Variants in PSEN1 observed in about 807,000 individuals in gnomAD.
The protein encoded by PSEN1 is presenilin-1.
PSEN1 carries 15 observed loss-of-function variants against 53.5 expected under a neutral mutation model. The ratio of observed to expected loss-of-function variants is 0.28; its 90% CI spans 0.19 to 0.43. The LOEUF is 0.43. PSEN1 is among the 20% of genes least tolerant of loss of function. PSEN1 has a pLI of 1.00. For missense variants in PSEN1, 387 were observed against 571.2 expected (o/e 0.68, Z 3.29); for synonymous variants, 208 against 209.8 (o/e 0.99, Z 0.08).
chr14:73,189,912 G>C (rs1209118047), intron 6 of PSEN1: 1 of 173,432 alleles, frequency 5.8e-6, no homozygotes, highest in Non-Finnish European at 1.3e-5. Context: ...GCACTGAGCA[G>C]TAGCAGGTGT....
At chr14:73,161,920 T>A (rs1428401974) in intron 3 of PSEN1, among the ~76,000 whole-genome samples, 2 of 146,178 alleles carry the variant, frequency 1.4e-5, no homozygotes, top group East Asian at 4.0e-4. Context: ...TTTGGGAGGC[T>A]GAGGCGGGCG....
At chr14:73,177,966 C>CTT (rs374072714) in intron 5 of PSEN1, among the ~76,000 whole-genome samples, 1 of 146,716 alleles carries the variant, frequency 6.8e-6, no homozygotes. Context: ...ATTCTTTACT[C>CTT]TTTTTTTTTT....
At chr14:73,206,538 C>G in intron 9 of PSEN1, 66 bp downstream of exon 9, 1 of 1,111,120 alleles carries the variant, frequency 9.0e-7, no homozygotes, top group Non-Finnish European at 1.4e-6. Flanking sequence ...AACAGTATAG[C>G]AATGTTTTTA....
intron 6 of PSEN1, among the ~76,000 whole-genome samples, chr14:73,190,918 C>T (rs1898692098): frequency 6.6e-6 from 1 of 152,130 alleles, no homozygotes; most frequent in African/African-American, 2.4e-5. Flanking sequence ...CTACATCGTC[C>T]AGAAATTTCA....
At chr14:73,207,874 T>C (rs1899517210) in intron 9 of PSEN1, among the ~76,000 whole-genome samples, 1 of 152,234 alleles carries the variant, frequency 6.6e-6, no homozygotes, top group Admixed American at 6.5e-5. Context: ...GCATGCTGGC[T>C]GCAGCAGGGC....
chr14:73,197,724 AG>A (rs1899012179), intron 7 of PSEN1: 1 of 374,048 alleles, frequency 2.7e-6, no homozygotes, highest in Non-Finnish European at 5.0e-6. Context: ...TTATCTCTGC[AG>A]CTTTCCTTTA....
intron 5 of PSEN1, among the ~76,000 whole-genome samples, chr14:73,177,103 T>C (rs1566632545): frequency 6.6e-6 from 1 of 152,242 alleles, no homozygotes; most frequent in Non-Finnish European, 1.5e-5. Flanking sequence ...TTTGGTCCTT[T>C]TTGCAGTTTT....
At chr14:73,209,098 C>T (rs534036598) in intron 9 of PSEN1, among the ~76,000 whole-genome samples, 26 of 152,240 alleles carry the variant, frequency 1.7e-4, no homozygotes, top group Non-Finnish European at 3.1e-4. Context: ...AGCCTGCAGA[C>T]GCAAGGGGCT....
chr14:73,202,417 A>ATTAT (rs1566648023), intron 8 of PSEN1, among the ~76,000 whole-genome samples: 6 of 60,516 alleles, frequency 9.9e-5, no homozygotes, highest in African/African-American at 4.0e-4. Context: ...TCTATCACAT[A>ATTAT]CTATATATAT....
At chr14:73,147,567 G>A (rs546778993) in intron 1 of PSEN1, 2 of 200,280 alleles carry the variant, frequency 1.0e-5, no homozygotes, top group African/African-American at 4.7e-5. Context: ...CTGGAAATCA[G>A]AAGTCATTAA....
intron 3 of PSEN1, among the ~76,000 whole-genome samples, chr14:73,159,315 A>G (rs1243620583): frequency 6.6e-6 from 1 of 152,084 alleles, no homozygotes; most frequent in Non-Finnish European, 1.5e-5. Flanking sequence ...CCAAACAGCT[A>G]GGACTACAGA....
intron 3 of PSEN1, among the ~76,000 whole-genome samples, chr14:73,158,275 C>CA (rs1897420283): frequency 5.7e-5 from 8 of 140,822 alleles, no homozygotes; most frequent in African/African-American, 1.6e-4. Context: ...GTATATTTAA[C>CA]TTTTTTTTCT....
At position 73,219,368 on chromosome 14, in the gene PSEN1, G is replaced by T. The variant is rs936850151; in HGVS notation, c.*79G>T. ...TGGGGAGGACAAAGGTGATTTTCCT[G>T]TGTCCACATCTAACAAAGTCAAGAT... On this transcript the variant is annotated 3_prime_UTR_variant, in exon 12 of 12. Transcript: ENST00000324501. The T allele has an allele frequency of 6.3e-6, 9 of 1,425,194 alleles. No homozygotes were observed. The East Asian group carries it at 1.8e-4, about 29-fold the overall frequency. The allele number at this position is 1,425,194 out of a possible 1,614,324, so 88.3% of individuals were successfully genotyped here. A position where few individuals can be genotyped will look rare whatever the true frequency, so the allele number is the denominator to read the frequency against.
chr14:73,199,012 C>T (rs1035506086), intron 8 of PSEN1, among the ~76,000 whole-genome samples: 1 of 152,022 alleles, frequency 6.6e-6, no homozygotes, highest in African/African-American at 2.4e-5. Context: ...TCGGCTTAAG[C>T]GATCCTCCTG....
chr14:73,190,929 A>G (rs1898692223), intron 6 of PSEN1, among the ~76,000 whole-genome samples: 3 of 152,220 alleles, frequency 2.0e-5, no homozygotes, highest in African/African-American at 4.8e-5. Flanking sequence ...AGAAATTTCA[A>G]TGTTTACTCT....
chr14:73,141,613 C>T (rs1007625847), intron 1 of PSEN1, among the ~76,000 whole-genome samples: 2 of 151,870 alleles, frequency 1.3e-5, no homozygotes, highest in Non-Finnish European at 2.9e-5. Flanking sequence ...ATGAAACCCC[C>T]ATCTCTACTA....
chr14:73,193,064 A>G (rs1898790615), intron 7 of PSEN1, among the ~76,000 whole-genome samples, 200 bp downstream of exon 7: 1 of 152,132 alleles, frequency 6.6e-6, no homozygotes, highest in Non-Finnish European at 1.5e-5. Context: ...TAATCTTAGC[A>G]CTTTGGGAGG....
At chr14:73,169,661 C>G (rs1335358760) in intron 3 of PSEN1, among the ~76,000 whole-genome samples, 1 of 151,908 alleles carries the variant, frequency 6.6e-6, no homozygotes, top group Non-Finnish European at 1.5e-5. Flanking sequence ...TTCAACCTTA[C>G]CAATTTTTTT....
At chr14:73,206,172 T>A (rs767183297) in intron 8 of PSEN1, 62 of 561,672 alleles carry the variant, frequency 1.1e-4, no homozygotes, top group Non-Finnish European at 1.9e-4. Flanking sequence ...GCAGGTGCAG[T>A]TTGAGTACTA....
Sources: allele counts gnomAD v4.1 joint callset (sites outside exome capture counted in the v4.1 genomes callset), GRCh38; gene constraint gnomAD v4.1.1; transcripts MANE v1.5; gene names NCBI Gene and HGNC (gene_info 2026-07-23, HGNC 2026-07-21).